The following ARB2A variants were observed in gnomAD, a reference collection of about 807,000 sequenced individuals.
ARB2A encodes the protein ARB2 cotranscriptional regulator A.
At chr5:93,804,796 A>C in the ARB2A span, 1 of 528,372 alleles carries the variant, frequency 1.9e-6, no homozygotes, top group Non-Finnish European at 2.4e-6. Flanking sequence ...GCCTAAAACA[A>C]AGTATATCTT....
the ARB2A span, chr5:93,866,004 A>G: frequency 2.0e-6 from 2 of 985,298 alleles, no homozygotes; most frequent in East Asian, 1.1e-4. Context: ...TATGCAACTA[A>G]AAGTATAATT....
At chr5:93,629,497 G>A in the ARB2A span, among the ~76,000 whole-genome samples, 5 of 151,984 alleles carry the variant, frequency 3.3e-5, no homozygotes, top group Non-Finnish European at 5.9e-5. Context: ...GTGTGATAAC[G>A]TGAAGCTCAA....
At chr5:93,805,348 G>T in the ARB2A span, 1 of 984,998 alleles carries the variant, frequency 1.0e-6, no homozygotes, top group Admixed American at 6.2e-5. Context: ...CACTGAACAA[G>T]TTTTTACCAG....
chr5:93,849,750 A>T, the ARB2A span, among the ~76,000 whole-genome samples: 3 of 152,308 alleles, frequency 2.0e-5, no homozygotes, highest in Admixed American at 6.5e-5. Flanking sequence ...TCCTATTGCT[A>T]TGAATCTGCT....
the ARB2A span, among the ~76,000 whole-genome samples, chr5:93,989,361 A>G: frequency 3.9e-5 from 6 of 152,178 alleles, no homozygotes; most frequent in Non-Finnish European, 5.9e-5. Flanking sequence ...TATCTGTGAC[A>G]AAGTCACAAG....
chr5:93,758,984 A>C, the ARB2A span, among the ~76,000 whole-genome samples: 85 of 152,300 alleles, frequency 5.6e-4, no homozygotes, highest in African/African-American at 1.8e-3. Context: ...AGATAAATAA[A>C]ATTGACAGAC....
chr5:94,097,559 C>T, the ARB2A span, among the ~76,000 whole-genome samples: 5 of 152,172 alleles, frequency 3.3e-5, no homozygotes, highest in Non-Finnish European at 7.3e-5. Flanking sequence ...AGTTTCCCCA[C>T]GCAATCTCTC....
the ARB2A span, among the ~76,000 whole-genome samples, chr5:93,696,976 C>T: frequency 2.0e-5 from 3 of 148,408 alleles, no homozygotes; most frequent in Non-Finnish European, 3.0e-5. Flanking sequence ...GCAGGAGAAT[C>T]GCTTGAATCT....
the ARB2A span, among the ~76,000 whole-genome samples, chr5:93,859,097 A>T: frequency 6.6e-6 from 1 of 152,198 alleles, no homozygotes; most frequent in African/African-American, 2.4e-5. Context: ...TAAAGGCAAG[A>T]ATGTAAGAAT....
At chr5:93,755,112 G>A in the ARB2A span, among the ~76,000 whole-genome samples, 1 of 152,098 alleles carries the variant, frequency 6.6e-6, no homozygotes, top group Non-Finnish European at 1.5e-5. Context: ...ATAGTACCAT[G>A]TGGAATTTTT....
At chr5:93,887,893 C>T in the ARB2A span, among the ~76,000 whole-genome samples, 1 of 151,766 alleles carries the variant, frequency 6.6e-6, no homozygotes, top group African/African-American at 2.4e-5. Context: ...GGTTACTGAA[C>T]CGCTGTAGTT....
At chr5:93,766,867 G>C in the ARB2A span, among the ~76,000 whole-genome samples, 1 of 152,084 alleles carries the variant, frequency 6.6e-6, no homozygotes. Flanking sequence ...CCATAAAACA[G>C]GATGAGTTCA....
chr5:93,999,131 T>C, the ARB2A span, among the ~76,000 whole-genome samples: 1 of 151,958 alleles, frequency 6.6e-6, no homozygotes, highest in African/African-American at 2.4e-5. Context: ...ACTGCTAAAG[T>C]AAAATAATCT....
the ARB2A span, among the ~76,000 whole-genome samples, chr5:93,825,807 C>T: frequency 1.3e-5 from 2 of 151,522 alleles, no homozygotes; most frequent in Non-Finnish European, 2.9e-5. Context: ...TATTTACATT[C>T]CCATAGTTAG....
the ARB2A span, among the ~76,000 whole-genome samples, chr5:93,695,349 A>G: frequency 6.6e-6 from 1 of 152,160 alleles, no homozygotes; most frequent in Non-Finnish European, 1.5e-5. Flanking sequence ...CAAGAAAAAA[A>G]CCATCCCACC....
the ARB2A span, among the ~76,000 whole-genome samples, chr5:93,771,465 T>G: frequency 1.4e-4 from 21 of 150,820 alleles, no homozygotes; most frequent in East Asian, 3.9e-4. Context: ...GGGATCTAAT[T>G]AAACTAAAGA....
At chr5:93,741,915 T>C in the ARB2A span, among the ~76,000 whole-genome samples, 1 of 142,844 alleles carries the variant, frequency 7.0e-6, no homozygotes, top group Non-Finnish European at 1.5e-5. Context: ...CTCTGGACCC[T>C]GATCCCCAGG....
the ARB2A span, among the ~76,000 whole-genome samples, chr5:93,824,969 T>C: frequency 1.3e-5 from 2 of 152,330 alleles, no homozygotes; most frequent in Non-Finnish European, 2.9e-5. Flanking sequence ...TCTTGACCAG[T>C]CAGATTTTGT....
the ARB2A span, among the ~76,000 whole-genome samples, chr5:93,872,701 A>G: frequency 6.6e-6 from 1 of 151,780 alleles, no homozygotes; most frequent in Non-Finnish European, 1.5e-5. Context: ...GCGGATCACA[A>G]GGTCATGAGA....
Sources: gnomAD v4.1 joint callset for allele counts (sites outside exome capture counted in the v4.1 genomes callset) on GRCh38, gnomAD v4.1.1 for gene constraint, MANE v1.5 for transcripts, NCBI Gene and HGNC (gene_info 2026-07-23, HGNC 2026-07-21) for gene names.